TAFA1: variants seen among roughly 807,000 people sequenced by gnomAD.
TAFA1 encodes TAFA chemokine like family member 1.
A neutral mutation model predicts 18.5 loss-of-function variants in TAFA1; 4 were observed. The observed-to-expected ratio is 0.22, with a 90% confidence interval of 0.11 to 0.49. The LOEUF (loss-of-function observed/expected upper bound fraction) is 0.49, where lower values mean the gene tolerates loss of function less well. Among genes scored for constraint, TAFA1 ranks in the 20% least tolerant of loss-of-function variants. The pLI is 0.98. For missense variants in TAFA1, 147 were observed against 169.0 expected (o/e 0.87, Z 0.72); for synonymous variants, 56 against 55.2 (o/e 1.01, Z -0.06).
intron 2 of TAFA1, among the ~76,000 whole-genome samples, chr3:68,229,996 A>G (rs967366416): frequency 1.3e-5 from 2 of 152,146 alleles, no homozygotes; most frequent in African/African-American, 4.8e-5. Context: ...TGGATACACA[A>G]GAGTTGTACA....
chr3:68,061,868 TTCTC>T (rs768103415), intron 2 of TAFA1, among the ~76,000 whole-genome samples: 68 of 152,150 alleles, frequency 4.5e-4, no homozygotes, highest in Non-Finnish European at 7.5e-4. Context: ...GCAGCATGGT[TTCTC>T]TCTTTTTGTG....
At chr3:68,462,939 G>T (rs2071813592) in intron 3 of TAFA1, among the ~76,000 whole-genome samples, 1 of 152,078 alleles carries the variant, frequency 6.6e-6, no homozygotes, top group African/African-American at 2.4e-5. Context: ...TCCAAAATTG[G>T]AAAGTAGTAA....
intron 2 of TAFA1, among the ~76,000 whole-genome samples, chr3:68,244,464 T>C (rs1021624136): frequency 5.3e-5 from 8 of 152,332 alleles, no homozygotes; most frequent in African/African-American, 1.9e-4. Context: ...TTATTTCTTT[T>C]GCTTGTGGAT....
At chr3:68,526,123 G>A (rs1453551236) in intron 3 of TAFA1, among the ~76,000 whole-genome samples, 1 of 152,160 alleles carries the variant, frequency 6.6e-6, no homozygotes, top group African/African-American at 2.4e-5. Flanking sequence ...GTATAGATCT[G>A]AAGTGGCCTA....
chr3:68,205,124 G>A (rs758182431), intron 2 of TAFA1, among the ~76,000 whole-genome samples: 9 of 151,828 alleles, frequency 5.9e-5, no homozygotes, highest in Non-Finnish European at 1.2e-4. Context: ...AGGATTATCT[G>A]AGGATGTCTT....
At chr3:68,337,227 A>G (rs28439185) in intron 2 of TAFA1, among the ~76,000 whole-genome samples, 4,899 of 152,242 alleles carry the variant, frequency 0.032, 283 homozygotes, top group African/African-American at 0.11. Context: ...CCGAAAACTT[A>G]CAATCATGGC....
chr3:68,094,872 T>G (rs933864910), intron 2 of TAFA1, among the ~76,000 whole-genome samples: 2 of 152,160 alleles, frequency 1.3e-5, no homozygotes, highest in African/African-American at 4.8e-5. Flanking sequence ...AAAAAAGAAA[T>G]TGAACACAAA....
intron 3 of TAFA1, among the ~76,000 whole-genome samples, chr3:68,461,611 G>A (rs1332856783): frequency 6.6e-6 from 1 of 151,328 alleles, no homozygotes; most frequent in African/African-American, 2.4e-5. Flanking sequence ...GTGTTAGGCA[G>A]AACCCAAGCC....
At chr3:68,448,298 T>C (rs1205322157) in intron 3 of TAFA1, among the ~76,000 whole-genome samples, 1 of 152,190 alleles carries the variant, frequency 6.6e-6, no homozygotes, top group Non-Finnish European at 1.5e-5. Flanking sequence ...TATATTGAAA[T>C]CTGATTTTCA....
At position 68,335,180 on chromosome 3, in the gene TAFA1, A is replaced by G. The variant is rs541043224; in HGVS notation, c.119-82100A>G. On this transcript the variant is annotated intron_variant, in intron 2 of 4. Transcript: ENST00000478136. The stretch of plus-strand genomic sequence containing the variant: ...TGGTATGATTTTTCTTTCTCTTCAT[A>G]GGATAAGCTAATAATTCTTTTAGAC... Among the ~76,000 whole-genome samples the G allele has an allele frequency of 7.2e-5, 11 of 152,308 alleles. No homozygotes were observed. The East Asian group carries it at 2.1e-3, about 29-fold the overall frequency.
chr3:68,264,821 A>G (rs1285434499), intron 2 of TAFA1, among the ~76,000 whole-genome samples: 1 of 152,076 alleles, frequency 6.6e-6, no homozygotes, highest in Admixed American at 6.6e-5. Flanking sequence ...TATTTTAGTG[A>G]TAGATAATTG....
At chr3:68,005,644 A>C (rs558349243) in intron 1 of TAFA1, among the ~76,000 whole-genome samples, 2 of 152,342 alleles carry the variant, frequency 1.3e-5, no homozygotes, top group Non-Finnish European at 2.9e-5. Flanking sequence ...AGAAAGAAAG[A>C]AATCTTCCAA....
chr3:68,346,123 C>T (rs149788734), intron 2 of TAFA1, among the ~76,000 whole-genome samples: 1 of 152,106 alleles, frequency 6.6e-6, no homozygotes, highest in Non-Finnish European at 1.5e-5. Context: ...GCAGCCTACT[C>T]AGATGGAATT....
At chr3:68,093,672 CA>C (rs2065053776) in intron 2 of TAFA1, among the ~76,000 whole-genome samples, 2 of 152,092 alleles carry the variant, frequency 1.3e-5, no homozygotes, top group African/African-American at 4.8e-5. Context: ...TTGCTAGTTG[CA>C]TTCCCCCAGA....
At chr3:68,503,110 T>C (rs2072685030) in intron 3 of TAFA1, among the ~76,000 whole-genome samples, 1 of 152,116 alleles carries the variant, frequency 6.6e-6, no homozygotes, top group Non-Finnish European at 1.5e-5. Flanking sequence ...AGTGGAAAGT[T>C]CCATACTTGA....
chr3:68,159,727 C>T (rs1381524205), intron 2 of TAFA1, among the ~76,000 whole-genome samples: 1 of 152,146 alleles, frequency 6.6e-6, no homozygotes, highest in Non-Finnish European at 1.5e-5. Flanking sequence ...CAAACTTTCT[C>T]CCACCTGGAA....
chr3:68,029,889 G>A lies in TAFA1; in HGVS notation c.118+23145G>A, dbSNP rs529858083. Among the ~76,000 whole-genome samples, 7 of 152,238 alleles carry A rather than the reference G, an allele frequency of 4.6e-5. No individual in the cohort carries two copies. The South Asian group carries it at 1.5e-3, about 32-fold the overall frequency. On this transcript the variant is annotated intron_variant, in intron 2 of 4. Coordinates refer to ENST00000478136, the MANE Select transcript of TAFA1 (RefSeq NM_213609.4). ...TCGTTACCTTGCCTAAGCCTCAGCTGTCAGAAATTGGTATGGGACGATAGT... is the reference window on the plus strand; with the variant it reads ...TCGTTACCTTGCCTAAGCCTCAGCTATCAGAAATTGGTATGGGACGATAGT...
intron 3 of TAFA1, among the ~76,000 whole-genome samples, chr3:68,486,145 T>TTATTTTATTTTATTC (rs2072336132): frequency 6.8e-6 from 1 of 146,810 alleles, no homozygotes; most frequent in African/African-American, 2.5e-5. Context: ...TTATTTTATT[T>TTATTTTATTTTATTC]TGGTAGAGAT....
intron 2 of TAFA1, among the ~76,000 whole-genome samples, chr3:68,357,569 T>C (rs1317021924): frequency 6.6e-6 from 1 of 151,856 alleles, no homozygotes. Flanking sequence ...CTCCCCACAC[T>C]AGTCGGTGTA....
Sources: allele counts gnomAD v4.1 joint callset (sites outside exome capture counted in the v4.1 genomes callset), GRCh38; gene constraint gnomAD v4.1.1; transcripts MANE v1.5; gene names NCBI Gene and HGNC (gene_info 2026-07-23, HGNC 2026-07-21).